Variants in SCEL observed in about 807,000 individuals in gnomAD.
SCEL encodes sciellin.
In SCEL, 113 loss-of-function variants were observed where a neutral mutation model predicts 117.6. That is an observed-to-expected ratio of 0.96 (90% CI 0.83 to 1.12). The LOEUF (loss-of-function observed/expected upper bound fraction) is 1.12, where lower values mean the gene tolerates loss of function less well. Ranked by LOEUF, SCEL falls within the 50% of genes most tolerant of loss-of-function variation. SCEL has a pLI of 0.00. For synonymous variants in SCEL, 270 were observed against 256.2 expected, an observed-to-expected ratio of 1.05 and a Z score of -0.51; for missense variants, 785 against 810.8, an observed-to-expected ratio of 0.97 and a Z score of 0.39.
At chr13:77,604,270 CCA>C in intron 18 of SCEL, 84 bp from the exon 19 acceptor site, 1 of 785,914 alleles carries the variant, frequency 1.3e-6, no homozygotes, top group Non-Finnish European at 2.0e-6. Flanking sequence ...TGTATATTTA[CCA>C]CTTCTTAATT....
At position 77,642,202 on chromosome 13, in the gene SCEL, C is replaced by T. The variant is rs1258049322; in HGVS notation, c.1948-504C>T. Among the ~76,000 whole-genome samples the T allele has an allele frequency of 4.6e-5, 7 of 152,110 alleles. No individual in the cohort carries two copies. The South Asian group carries it at 1.4e-3, about 32-fold the overall frequency. On this transcript the variant is annotated intron_variant, in intron 31 of 32. Coordinates refer to ENST00000349847, the MANE Select transcript of SCEL (RefSeq NM_144777.3). ...CTATAGCCATAGCAATACAGAGCCA[C>T]ATGAACTGGTTTAGACACAACCAAT... is the stretch of plus-strand genomic sequence containing the variant.
chr13:77,641,872 G>A (rs1036845324), intron 31 of SCEL, among the ~76,000 whole-genome samples: 1 of 151,924 alleles, frequency 6.6e-6, no homozygotes, highest in African/African-American at 2.4e-5. Flanking sequence ...CAATTTTAGG[G>A]CATAATGTAC....
intron 1 of SCEL, among the ~76,000 whole-genome samples, chr13:77,551,656 C>T (rs1463139918): frequency 6.6e-6 from 1 of 152,024 alleles, no homozygotes; most frequent in African/African-American, 2.4e-5. Flanking sequence ...GAATTAGTAC[C>T]CACCCTAAGG....
At chr13:77,590,502 T>C (rs138197525) in intron 10 of SCEL, among the ~76,000 whole-genome samples, 1 of 152,086 alleles carries the variant, frequency 6.6e-6, no homozygotes, top group Middle Eastern at 3.2e-3. Flanking sequence ...TGAATAGAAT[T>C]GTTTTAAGGG....
intron 9 of SCEL, among the ~76,000 whole-genome samples, chr13:77,572,914 C>A (rs1363605575): frequency 2.0e-5 from 3 of 152,302 alleles, no homozygotes; most frequent in African/African-American, 7.2e-5. Context: ...CAGAGTCAGG[C>A]ATCAGACAGG....
chr13:77,577,625 C>T (rs1005307638), intron 9 of SCEL, among the ~76,000 whole-genome samples: 1 of 152,154 alleles, frequency 6.6e-6, no homozygotes, highest in Non-Finnish European at 1.5e-5. Context: ...TATTTCGCTT[C>T]TATGTTACTT....
chr13:77,559,867 G>C lies in SCEL; in HGVS notation c.221+4G>C, dbSNP rs1473405461. ...ATTCCCATGATGCATTGGACAGGTG[G>C]GTGTTTAGACATGTTACATCATGAG... On this transcript the variant is annotated splice_donor_region_variant and intron_variant, in intron 4 of 32. Transcript: ENST00000349847. The C allele has an allele frequency of 5.0e-6, 8 of 1,611,410 alleles. No individual in the cohort carries two copies. In the African/African-American group the frequency reaches 1.1e-4, roughly 22 times the overall value.
chr13:77,603,415 C>T (rs1594090399), intron 18 of SCEL, among the ~76,000 whole-genome samples: 1 of 152,178 alleles, frequency 6.6e-6, no homozygotes, highest in Non-Finnish European at 1.5e-5. Context: ...AAAGAATGCA[C>T]AGTCTTGACA....
At chr13:77,615,565 A>C (rs1279364133) in intron 24 of SCEL, among the ~76,000 whole-genome samples, 1 of 152,128 alleles carries the variant, frequency 6.6e-6, no homozygotes, top group Non-Finnish European at 1.5e-5. Context: ...AATAACCTAA[A>C]TATCCTAATG....
chr13:77,617,804 A>G lies in SCEL; in HGVS notation c.1513A>G (p.Asn505Asp). 1 of 1,609,442 alleles carries G rather than the reference A, an allele frequency of 6.2e-7. No individual in the cohort carries two copies. The highest frequency in any genetic ancestry group is 8.5e-7 in the Non-Finnish European group (1 of 1,177,328). The change falls in exon 26 of 33, where the codon AAC becomes GAC. Residue 505 changes from asparagine to aspartate, a missense_variant and splice_region_variant. Physicochemically the swap from Asn to Asp is conservative, Grantham distance 23. Transcript: ENST00000349847. ...CTCATTTTATTTTTTGATTTAAAGA[A>G]ACCAAGATCTTGCTAACCTCATCAA... ...NPEIFTNNQR[N>D]QDLANLIKVN...
chr13:77,555,432 G>T (rs112833937), intron 1 of SCEL, among the ~76,000 whole-genome samples: 2 of 152,222 alleles, frequency 1.3e-5, no homozygotes, highest in Admixed American at 1.3e-4. Context: ...CCCTTCTTTG[G>T]GCGTTCACAG....
intron 18 of SCEL, 58 bp from the exon 19 acceptor site, chr13:77,604,298 C>A (rs1330793903): frequency 7.5e-6 from 8 of 1,061,058 alleles, no homozygotes; most frequent in Admixed American, 2.7e-5. Flanking sequence ...AGCCATTATT[C>A]ATCTGATTAG....
At chr13:77,589,305 G>T in intron 10 of SCEL, 81 bp downstream of exon 10, 1 of 1,018,428 alleles carries the variant, frequency 9.8e-7, no homozygotes, top group Non-Finnish European at 1.5e-6. Flanking sequence ...CCCGCTGTGG[G>T]CAAAGCATGA....
intron 15 of SCEL, 22 bp downstream of exon 15, chr13:77,599,770 C>T (rs76327395): frequency 1.3e-6 from 2 of 1,544,666 alleles, no homozygotes; most frequent in South Asian, 1.1e-5. Context: ...TTAAGACAGA[C>T]CATTTTGATT....
At chr13:77,575,536 TAG>T (rs1304463569) in intron 9 of SCEL, among the ~76,000 whole-genome samples, 1 of 152,208 alleles carries the variant, frequency 6.6e-6, no homozygotes, top group Non-Finnish European at 1.5e-5. Flanking sequence ...TGATATACAT[TAG>T]TTATGCAATA....
At chr13:77,541,706 AT>A (rs961346966) in intron 1 of SCEL, among the ~76,000 whole-genome samples, 4 of 151,548 alleles carry the variant, frequency 2.6e-5, no homozygotes, top group Non-Finnish European at 4.4e-5. Context: ...AAGGTGTCTG[AT>A]TTTTTTTTCC....
rs2090699551 is a variant in SCEL at position 77,644,363 on chromosome 13, T to A, written c.*89T>A. 6 of 1,319,298 alleles carry A rather than the reference T, an allele frequency of 4.5e-6. No individual in the cohort carries two copies. Among genetic ancestry groups the A allele is most frequent in the Non-Finnish European group, 6.5e-6 (6 of 928,806 alleles). 81.7% of individuals were successfully genotyped at this position (1,319,298 alleles called of 1,614,324 possible). A position where few individuals can be genotyped will look rare whatever the true frequency, so the allele number is the denominator to read the frequency against. On this transcript the variant is annotated 3_prime_UTR_variant, in exon 33 of 33. Transcript: ENST00000349847. Reference sequence around the variant, plus strand: ...TTAATAATATGTAATCTAGAAAAGCTTTCACATTGAAGATCAACTCTTGTA... The same window carrying A: ...TTAATAATATGTAATCTAGAAAAGCATTCACATTGAAGATCAACTCTTGTA...
intron 9 of SCEL, 152 bp from the exon 10 acceptor site, chr13:77,588,992 C>T (rs113272837): frequency 5.0e-6 from 3 of 597,840 alleles, no homozygotes; most frequent in African/African-American, 3.8e-5. Context: ...AAGTTTAGTG[C>T]TCCATGGATT....
chr13:77,538,829 G>A (rs1336897971), intron 1 of SCEL, among the ~76,000 whole-genome samples: 1 of 152,118 alleles, frequency 6.6e-6, no homozygotes, highest in East Asian at 1.9e-4. Flanking sequence ...TCCTTCATAT[G>A]AAGCCTCCTG....
Sources: gnomAD v4.1 joint callset for allele counts (sites outside exome capture counted in the v4.1 genomes callset) on GRCh38, gnomAD v4.1.1 for gene constraint, MANE v1.5 for transcripts, NCBI Gene and HGNC (gene_info 2026-07-23, HGNC 2026-07-21) for gene names.